Variants in SFMBT2 observed in about 807,000 individuals in gnomAD.
SFMBT2 encodes scm-like with four MBT domains protein 2.
SFMBT2 carries 38 observed loss-of-function variants against 110.1 expected under a neutral mutation model. That is an observed-to-expected ratio of 0.35 (90% confidence interval 0.27 to 0.45). The LOEUF is 0.45. Among genes scored for constraint, SFMBT2 ranks in the 20% least tolerant of loss-of-function variants. The pLI, the probability that SFMBT2 is intolerant of heterozygous loss-of-function variation, is 1.00. For synonymous variants in SFMBT2, 425 were observed against 425.4 expected, an observed-to-expected ratio of 1.00 and a Z score of 0.01; for missense variants, 1,011 against 1,094.9, an observed-to-expected ratio of 0.92 and a Z score of 1.08.
At chr10:7,254,477 T>A (rs1316234819) in intron 7 of SFMBT2, among the ~76,000 whole-genome samples, 1 of 152,158 alleles carries the variant, frequency 6.6e-6, no homozygotes, top group African/African-American at 2.4e-5. Flanking sequence ...AAAGGATTTA[T>A]AGGAGTGAAG....
At chr10:7,167,999 C>A (rs1435703664) in intron 20 of SFMBT2, among the ~76,000 whole-genome samples, 7 of 151,038 alleles carry the variant, frequency 4.6e-5, no homozygotes, top group African/African-American at 1.5e-4. Flanking sequence ...ACCCGGGAGG[C>A]GGAGGTTGCA....
chr10:7,408,058 G>T lies in SFMBT2; in HGVS notation c.-52+2803C>A, dbSNP rs1313450175. Among the ~76,000 whole-genome samples, 1 of 152,252 alleles carries T rather than the reference G, an allele frequency of 6.6e-6. No individual in the cohort carries two copies. Among genetic ancestry groups the T allele is most frequent in the Non-Finnish European group, 1.5e-5 (1 of 68,044 alleles). On this transcript the variant is annotated intron_variant, in intron 1 of 20. Transcript: ENST00000397167. This position sits in a 1 kb window ranked among gnomAD's most constrained non-coding sequence, Gnocchi z 5.7. ...TAATCAACTGTACATCCGCTTCCAC[G>T]GCACGGCCTCGTGCAAAATCGCGGG...
At chr10:7,379,960 C>A (rs910088819) in intron 2 of SFMBT2, among the ~76,000 whole-genome samples, 2 of 152,128 alleles carry the variant, frequency 1.3e-5, no homozygotes, top group African/African-American at 4.8e-5. Flanking sequence ...ACACTGCAAC[C>A]GTGTGCACAT....
At chr10:7,188,432 T>C (rs867731367) in intron 16 of SFMBT2, among the ~76,000 whole-genome samples, 192 bp downstream of exon 16, 11 of 152,208 alleles carry the variant, frequency 7.2e-5, no homozygotes, top group Admixed American at 3.3e-4. Context: ...ACCTTAGGAA[T>C]CCTAAGGCTT....
intron 9 of SFMBT2, among the ~76,000 whole-genome samples, chr10:7,230,223 C>T (rs768195998): frequency 3.3e-5 from 5 of 152,126 alleles, no homozygotes; most frequent in Non-Finnish European, 7.3e-5. Flanking sequence ...TCTTCGAGTT[C>T]TTCCACCTGC....
At chr10:7,292,057 C>A (rs894110048) in intron 4 of SFMBT2, among the ~76,000 whole-genome samples, 1 of 152,102 alleles carries the variant, frequency 6.6e-6, no homozygotes. Flanking sequence ...ATGCTGGTGG[C>A]CTTTAAGTTC....
At chr10:7,228,452 G>C in intron 9 of SFMBT2, 1 of 622,838 alleles carries the variant, frequency 1.6e-6, no homozygotes, top group Non-Finnish European at 2.0e-6. Flanking sequence ...GGGCAACAAA[G>C]AGTAGAGGGT....
intron 11 of SFMBT2, among the ~76,000 whole-genome samples, chr10:7,217,705 T>C (rs1588349615): frequency 6.6e-6 from 1 of 152,216 alleles, no homozygotes; most frequent in Non-Finnish European, 1.5e-5. Context: ...GCTGTGAGTG[T>C]GGGAGCCAGT....
intron 4 of SFMBT2, among the ~76,000 whole-genome samples, chr10:7,294,279 A>C (rs1210629512): frequency 6.6e-6 from 1 of 152,220 alleles, no homozygotes; most frequent in African/African-American, 2.4e-5. Flanking sequence ...TAAAAGGATG[A>C]GACGTAAACC....
At chr10:7,376,721 C>T (rs1845223311) in intron 2 of SFMBT2, among the ~76,000 whole-genome samples, 1 of 31,178 alleles carries the variant, frequency 3.2e-5, no homozygotes, top group African/African-American at 1.4e-4. Context: ...AAAAAAGGCC[C>T]TCCCACAAAA....
At chr10:7,289,006 A>C (rs1224350364) in intron 4 of SFMBT2, among the ~76,000 whole-genome samples, 5 of 152,230 alleles carry the variant, frequency 3.3e-5, no homozygotes, top group Admixed American at 6.5e-5. Context: ...AAAAAAAAAA[A>C]AAACTAGAAA....
intron 11 of SFMBT2, chr10:7,206,644 C>T (rs546464460): frequency 7.7e-6 from 7 of 912,594 alleles, no homozygotes; most frequent in African/African-American, 7.2e-5. Flanking sequence ...CATCCTATTT[C>T]GTAATTACAG....
chr10:7,210,634 G>A (rs1353007882), intron 11 of SFMBT2, among the ~76,000 whole-genome samples: 1 of 152,228 alleles, frequency 6.6e-6, no homozygotes, highest in Admixed American at 6.5e-5. Context: ...GCTTGAGTGT[G>A]AGATGAACAG....
intron 7 of SFMBT2, among the ~76,000 whole-genome samples, chr10:7,262,103 T>C (rs1447746183): frequency 2.0e-5 from 3 of 152,226 alleles, no homozygotes; most frequent in Non-Finnish European, 4.4e-5. Context: ...TCTGAAGTCC[T>C]AAAGTTAAAA....
chr10:7,214,256 C>T (rs184206011), intron 11 of SFMBT2, among the ~76,000 whole-genome samples: 8 of 152,352 alleles, frequency 5.3e-5, no homozygotes, highest in African/African-American at 1.4e-4. Context: ...CTTAAGAACA[C>T]AGGCCACTGC....
intron 11 of SFMBT2, chr10:7,206,427 A>G: frequency 1.0e-6 from 1 of 985,468 alleles, no homozygotes; most frequent in Non-Finnish European, 1.2e-6. Context: ...TCACAGCTAA[A>G]CGGAACCAGT....
chr10:7,206,856 A>C, intron 11 of SFMBT2: 1 of 984,004 alleles, frequency 1.0e-6, no homozygotes, highest in Non-Finnish European at 1.2e-6. Flanking sequence ...TCAGAGCTCC[A>C]TTAATAGACG....
At chr10:7,355,813 AAAAT>A (rs746843341) in intron 4 of SFMBT2, among the ~76,000 whole-genome samples, 2 of 152,152 alleles carry the variant, frequency 1.3e-5, no homozygotes, top group African/African-American at 4.8e-5. Flanking sequence ...CTCTGTCTCA[AAAAT>A]AAATAAATAA....
At position 7,368,239 on chromosome 10, in the gene SFMBT2, T is replaced by C. The variant is rs1053530775; in HGVS notation, c.196-350A>G. 9.0e-6 allele frequency: 6 copies of C among 666,410 alleles called. No homozygotes were observed. The African/African-American group carries it at 1.2e-4, about 13-fold the overall frequency. 41.3% of individuals were successfully genotyped at this position (666,410 alleles called of 1,614,324 possible). A position where few individuals can be genotyped will look rare whatever the true frequency, so the allele number is the denominator to read the frequency against. ...TAAAGCCTCTAAAACCTGGTGTGTA[T>C]TCTACACTCAGAGCACATCTGAATG... On this transcript the variant is annotated intron_variant, in intron 3 of 20. Transcript: ENST00000397167.
Sources: gnomAD v4.1 joint callset for allele counts (sites outside exome capture counted in the v4.1 genomes callset) on GRCh38, gnomAD v4.1.1 for gene constraint, Gnocchi (gnomAD v3.1) non-coding constraint, MANE v1.5 for transcripts, NCBI Gene and HGNC (gene_info 2026-07-23, HGNC 2026-07-21) for gene names.